The following CYTL1 variants were observed in gnomAD, a reference collection of about 807,000 sequenced individuals.
CYTL1 encodes cytokine like 1.
In CYTL1, 17 loss-of-function variants were observed where a neutral mutation model predicts 13.1. That is an observed-to-expected ratio of 1.29 (90% CI 0.89 to 1.94). The LOEUF (loss-of-function observed/expected upper bound fraction) is 1.94. CYTL1 is among the 30% of genes most tolerant of loss of function. The probability of loss-of-function intolerance (pLI) is 0.00; values close to 1 mark genes in which losing one functional copy is unlikely to be tolerated. For synonymous variants in CYTL1, 91 were observed against 79.4 expected (o/e 1.15, Z -0.78); for missense variants, 213 against 174.8 (o/e 1.22, Z -1.23).
chr4:5,015,192 G>GGTATTCCAA lies in CYTL1; in HGVS notation c.361_369dup (p.Leu121_Tyr123dup), dbSNP rs764581502. 4.3e-6 allele frequency: 7 copies of GGTATTCCAA among 1,613,858 alleles called. No individual in the cohort carries two copies. The highest frequency in any genetic ancestry group is 5.9e-6 in the Non-Finnish European group (7 of 1,179,906). ...GGCAGGACCGTAGTCACTGGGATTGGGTATTCCAAGGCATTGCAGTCATCC... is the reference window on the plus strand; with the variant it reads ...GGCAGGACCGTAGTCACTGGGATTGGGTATTCCAAGTATTCCAAGGCATTGCAGTCATCC... On this transcript the variant is annotated inframe_insertion, in exon 4 of 4. Coordinates refer to ENST00000307746, the MANE Select transcript of CYTL1 (RefSeq NM_018659.3).
At chr4:5,019,019 T>C (rs1741138801) in intron 1 of CYTL1, among the ~76,000 whole-genome samples, 1 of 145,336 alleles carries the variant, frequency 6.9e-6, no homozygotes, top group Non-Finnish European at 1.5e-5. Context: ...TTTTTTTTTT[T>C]TTTTTTTTAC....
chr4:5,019,391 C>CG lies in CYTL1; in HGVS notation c.54dup (p.Ala19ArgfsTer99), dbSNP rs780389733. 3 of 1,491,634 alleles carry CG rather than the reference C, an allele frequency of 2.0e-6. No individual in the cohort carries two copies. Among genetic ancestry groups the CG allele is most frequent in the Admixed American group, 2.9e-5 (1 of 34,752 alleles). 92.4% of individuals were successfully genotyped at this position (1,491,634 alleles called of 1,614,324 possible). On this transcript the variant is annotated frameshift_variant, in exon 1 of 4. Transcript: ENST00000307746. LOFTEE classifies it high-confidence loss of function. ...CAGGTCGGGGGAGTGGGCCGCGCGGCGGGGGCTCCCGCCAGGAGCAGCAGC... is the reference window on the plus strand; with the variant it reads ...CAGGTCGGGGGAGTGGGCCGCGCGGCGGGGGGCTCCCGCCAGGAGCAGCAGC...
intron 1 of CYTL1, among the ~76,000 whole-genome samples, chr4:5,017,879 C>T (rs192913255): frequency 1.7e-3 from 263 of 152,288 alleles, no homozygotes; most frequent in African/African-American, 5.7e-3. Flanking sequence ...CAAAAGCCCT[C>T]GTGCTCTGCC....
intron 3 of CYTL1, among the ~76,000 whole-genome samples, chr4:5,016,481 A>G (rs1395262279): frequency 6.6e-6 from 1 of 151,930 alleles, no homozygotes; most frequent in Non-Finnish European, 1.5e-5. Context: ...CTGTCCTTTT[A>G]CCCTCTCCTA....
chr4:5,016,395 A>G (rs1282616203), intron 3 of CYTL1, among the ~76,000 whole-genome samples: 1 of 152,254 alleles, frequency 6.6e-6, no homozygotes, highest in Non-Finnish European at 1.5e-5. Flanking sequence ...ACCCAAGCTC[A>G]GGGCTCTCTG....
At chr4:5,015,331 G>T (rs1420678923) in intron 3 of CYTL1, 97 bp from the exon 4 acceptor site, 10 of 914,982 alleles carry the variant, frequency 1.1e-5, no homozygotes, top group South Asian at 3.0e-5. Context: ...AGGCCATTCA[G>T]TTGTTCCTCT....
intron 1 of CYTL1, among the ~76,000 whole-genome samples, chr4:5,019,003 CTTTTTT>C (rs1186542271): frequency 4.5e-5 from 4 of 89,618 alleles, no homozygotes; most frequent in South Asian, 3.9e-4. Context: ...TTTCTTTTTT[CTTTTTT>C]TTTTTTTTTT....
At position 5,015,208 on chromosome 4, in the gene CYTL1, G is replaced by A; in HGVS notation, c.354C>T (p.Cys118=). 1 of 1,613,766 alleles carries A rather than the reference G, an allele frequency of 6.2e-7. No individual in the cohort carries two copies. The highest frequency in any genetic ancestry group is 8.5e-7 in the Non-Finnish European group (1 of 1,179,858). Residue 118 remains cysteine, a synonymous_variant, in exon 4 of 4, where the codon TGC becomes TGT. Coordinates refer to ENST00000307746, the MANE Select transcript of CYTL1 (RefSeq NM_018659.3). ...CTGGGATTGGGTATTCCAAGGCATT[G>A]CAGTCATCCAACAGGAATACCAAAT... ...RRDLVFLLDD[C]NALEYPIPVT... is the part of the protein sequence containing the mutation.
At chr4:5,015,781 T>A (rs10031270) in intron 3 of CYTL1, among the ~76,000 whole-genome samples, 1 of 152,132 alleles carries the variant, frequency 6.6e-6, no homozygotes, top group Non-Finnish European at 1.5e-5. Context: ...TACTCTGGGC[T>A]AGGCATGGTG....
Position 5,014,642 on chromosome 4 carries a change from G to C in CYTL1, c.*509C>G, listed in dbSNP as rs1412568128. The C allele has an allele frequency of 1.3e-5, 2 of 158,418 alleles. No homozygotes were observed. Among genetic ancestry groups the C allele is most frequent in the Non-Finnish European group, 2.7e-5 (2 of 72,990 alleles). 9.8% of individuals were successfully genotyped at this position (158,418 alleles called of 1,614,324 possible). A position where few individuals can be genotyped will look rare whatever the true frequency, so the allele number is the denominator to read the frequency against. ...TTCATCACCTTTCAATGAAAGAGTG[G>C]GTCCTGTCAGCACTACGTAAAATAT... is the stretch of plus-strand genomic sequence containing the variant. On this transcript the variant is annotated 3_prime_UTR_variant, in exon 4 of 4. Transcript: ENST00000307746.
chr4:5,017,800 C>T (rs941416063), intron 1 of CYTL1, among the ~76,000 whole-genome samples: 14 of 152,034 alleles, frequency 9.2e-5, no homozygotes, highest in African/African-American at 3.4e-4. Context: ...ATAGTAATAT[C>T]GAAGTGCATA....
At position 5,015,151 on chromosome 4, in the gene CYTL1, T is replaced by C; in HGVS notation, c.411A>G (p.Ter137=). 6.2e-7 allele frequency: 1 copy of C among 1,613,682 alleles called. No individual in the cohort carries two copies. The highest frequency in any genetic ancestry group is 2.2e-5 in the East Asian group (1 of 44,872). The change falls in exon 4 of 4, where the codon TAA becomes TAG. Residue 137 remains the stop codon, a stop_retained_variant. Transcript: ENST00000307746. The part of the protein sequence containing the change: ...VTTVLPDRQR[*] ...GGTTCTTTCTCTGGTCTCAGTTCCCTTAGCGCTGACGATCTGGCAGGACCG... is the reference window on the plus strand; with the variant it reads ...GGTTCTTTCTCTGGTCTCAGTTCCCCTAGCGCTGACGATCTGGCAGGACCG...
In CYTL1 at chr4:5,015,002, C is replaced by T. The variant is rs1207114932; in HGVS notation, c.*149G>A. On this transcript the variant is annotated 3_prime_UTR_variant, in exon 4 of 4. Coordinates refer to ENST00000307746, the MANE Select transcript of CYTL1 (RefSeq NM_018659.3). ...AAAGGAGGTTCCTGGGTAGGAATAC[C>T]AGCCCTGTTTTCCAGAAGGTAGAGA... is the stretch of plus-strand genomic sequence containing the variant. The T allele has an allele frequency of 8.4e-6, 6 of 717,466 alleles. No individual in the cohort carries two copies. The African/African-American group carries it at 1.1e-4, about 13-fold the overall frequency. The allele number at this position is 717,466 out of a possible 1,614,324, so 44.4% of individuals were successfully genotyped here. A position where few individuals can be genotyped will look rare whatever the true frequency, so the allele number is the denominator to read the frequency against.
rs1169130172 is a variant in CYTL1, at chr4:5,016,941, C to A, written c.222G>T (p.Leu74=). 1 of 1,614,222 alleles carries A rather than the reference C, an allele frequency of 6.2e-7. No homozygotes were observed. Among genetic ancestry groups the A allele is most frequent in the Admixed American group, 1.7e-5 (1 of 60,026 alleles). ...ACGGGGGCGAGGCCACAAAGTCCCG[C>A]AGCTTGTCCAGCACACAGTAATTCT... ...DIHNYCVLDK[L]RDFVASPPCW... Residue 74 remains leucine (L), a synonymous_variant, in exon 3 of 4, where the codon CTG becomes CTT. Coordinates refer to ENST00000307746, the MANE Select transcript of CYTL1 (RefSeq NM_018659.3).
intron 3 of CYTL1, among the ~76,000 whole-genome samples, chr4:5,016,626 C>G (rs1161530560): frequency 6.6e-6 from 1 of 152,124 alleles, no homozygotes; most frequent in Non-Finnish European, 1.5e-5. Context: ...CATCAATGCG[C>G]AGCTCATGGA....
In CYTL1 at chr4:5,014,896, A is replaced by G. The variant is rs537847157; in HGVS notation, c.*255T>C. The G allele has an allele frequency of 4.6e-5, 21 of 461,348 alleles. No homozygotes were observed. Among genetic ancestry groups the G allele is most frequent in the Middle Eastern group, 6.1e-4 (1 of 1,638 alleles). 28.6% of individuals were successfully genotyped at this position (461,348 alleles called of 1,614,324 possible). A position where few individuals can be genotyped will look rare whatever the true frequency, so the allele number is the denominator to read the frequency against. On this transcript the variant is annotated 3_prime_UTR_variant, in exon 4 of 4. Coordinates refer to ENST00000307746, the MANE Select transcript of CYTL1 (RefSeq NM_018659.3). ...AGTCCTTTTCTTCTTTTTAGTGACC[A>G]AATCAACATGCTGTGTATCTAACCA...
At chr4:5,015,958 G>A (rs1741062797) in intron 3 of CYTL1, among the ~76,000 whole-genome samples, 1 of 152,188 alleles carries the variant, frequency 6.6e-6, no homozygotes, top group Admixed American at 6.5e-5. Context: ...GGAGTGAAGG[G>A]ACACTGCTGT....
chr4:5,016,574 C>G (rs548156837), intron 3 of CYTL1, among the ~76,000 whole-genome samples: 1 of 152,312 alleles, frequency 6.6e-6, no homozygotes, highest in South Asian at 2.1e-4. Flanking sequence ...CTGGCAGAGT[C>G]TATCTATGTG....
In CYTL1 at chr4:5,015,213, C is replaced by A; in HGVS notation, c.349G>T (p.Asp117Tyr). 6.2e-7 allele frequency: 1 copy of A among 1,613,562 alleles called. No homozygotes were observed. The highest frequency in any genetic ancestry group is 1.1e-5 in the South Asian group (1 of 90,844). ...CRRDLVFLLD[D>Y]CNALEYPIPV... is the part of the protein sequence containing the mutation. ...ATTGGGTATTCCAAGGCATTGCAGT[C>A]ATCCAACAGGAATACCAAATCCTGA... Residue 117 changes from aspartate (D) to tyrosine (Y), a missense_variant, in exon 4 of 4, where the codon GAC becomes TAC. Physicochemically the swap from Asp to Tyr is radical, Grantham distance 160. Coordinates refer to ENST00000307746, the MANE Select transcript of CYTL1 (RefSeq NM_018659.3).
Sources: allele counts gnomAD v4.1 joint callset (sites outside exome capture counted in the v4.1 genomes callset), GRCh38; gene constraint gnomAD v4.1.1; transcripts MANE v1.5; gene names NCBI Gene and HGNC (gene_info 2026-07-23, HGNC 2026-07-21).